Variants in RAD54L2 observed in about 807,000 individuals in gnomAD.
RAD54L2 encodes helicase ARIP4.
RAD54L2 carries 27 observed loss-of-function variants against 138.4 expected under a neutral mutation model. The ratio of observed to expected loss-of-function variants is 0.20; its 90% CI spans 0.14 to 0.27. The LOEUF is 0.27. Ranked by LOEUF, RAD54L2 falls within the 10% of genes least tolerant of loss-of-function variation. The pLI, the probability that RAD54L2 is intolerant of heterozygous loss-of-function variation, is 1.00. For missense variants in RAD54L2, 1,396 were observed against 1,890.2 expected, an observed-to-expected ratio of 0.74 and a Z score of 4.85; for synonymous variants, 644 against 723.2, an observed-to-expected ratio of 0.89 and a Z score of 1.76.
At chr3:51,629,687 C>T (rs1407414542) in intron 5 of RAD54L2, among the ~76,000 whole-genome samples, 1 of 151,456 alleles carries the variant, frequency 6.6e-6, no homozygotes, top group Admixed American at 6.6e-5. Flanking sequence ...GGTGAAACCC[C>T]GTCTCTACTA....
chr3:51,619,033 G>C (rs1158226038), intron 3 of RAD54L2, among the ~76,000 whole-genome samples: 1 of 152,088 alleles, frequency 6.6e-6, no homozygotes, highest in Admixed American at 6.6e-5. Flanking sequence ...GTTGGAAAAG[G>C]TCTGTGAGGC....
At chr3:51,609,993 G>A (rs1401071082) in intron 3 of RAD54L2, among the ~76,000 whole-genome samples, 1 of 151,888 alleles carries the variant, frequency 6.6e-6, no homozygotes, top group Admixed American at 6.6e-5. Flanking sequence ...AAAATTAGCC[G>A]GGCGTGGCGG....
Position 51,639,616 on chromosome 3 carries a change from C to T in RAD54L2, c.2058C>T (p.Gly686=), listed in dbSNP as rs139263625. The part of the protein sequence containing the change: ...GEATNSKFLQ[G]VGFNPFQERG... ...CAACCAATAGCAAGTTCCTACAGGG[C>T]GTTGGCTTCAACCCTTTCCAGGAGC... is the stretch of plus-strand genomic sequence containing the variant. Residue 686 remains glycine (G), a synonymous_variant, in exon 13 of 23, where the codon GGC becomes GGT. Coordinates refer to ENST00000684192, the MANE Select transcript of RAD54L2 (RefSeq NM_015106.4). 1.7e-4 allele frequency: 276 copies of T among 1,613,888 alleles called. No individual in the cohort carries two copies. In the African/African-American group the frequency reaches 3.1e-3, roughly 18 times the overall value.
At chr3:51,564,665 C>T (rs906541206) in intron 2 of RAD54L2, among the ~76,000 whole-genome samples, 3 of 152,134 alleles carry the variant, frequency 2.0e-5, no homozygotes, top group Non-Finnish European at 4.4e-5. Context: ...ACCTGTAATC[C>T]CAGCACTTTG....
At position 51,665,105 on chromosome 3, in the gene RAD54L2, G is replaced by C. The variant is rs905681899; in HGVS notation, c.*1685G>C. Reference sequence around the variant, plus strand: ...GGTCTCCCCTTATTGCCATTGCCAGGGGAGGGTCGTCTAGTCCTTAAGCAT... The same window carrying C: ...GGTCTCCCCTTATTGCCATTGCCAGCGGAGGGTCGTCTAGTCCTTAAGCAT... On this transcript the variant is annotated 3_prime_UTR_variant, in exon 23 of 23. Transcript: ENST00000684192. The C allele has an allele frequency of 1.3e-5, 2 of 152,128 alleles. No homozygotes were observed. The highest frequency in any genetic ancestry group is 4.8e-5 in the African/African-American group (2 of 41,402). 9.4% of individuals were successfully genotyped at this position (152,128 alleles called of 1,614,324 possible).
At chr3:51,564,138 C>T (rs1699160715) in intron 2 of RAD54L2, among the ~76,000 whole-genome samples, 1 of 152,228 alleles carries the variant, frequency 6.6e-6, no homozygotes, top group Non-Finnish European at 1.5e-5. Flanking sequence ...CTCCCAGTGC[C>T]TGGTAAAGCC....
intron 2 of RAD54L2, among the ~76,000 whole-genome samples, chr3:51,557,859 A>G (rs1699010199): frequency 6.7e-6 from 1 of 148,568 alleles, no homozygotes; most frequent in Non-Finnish European, 1.5e-5. Context: ...AAAAAAGAAC[A>G]TTCTATTTTA....
chr3:51,556,950 C>T (rs1055072195), intron 2 of RAD54L2, among the ~76,000 whole-genome samples: 1 of 152,116 alleles, frequency 6.6e-6, no homozygotes, highest in Non-Finnish European at 1.5e-5. Flanking sequence ...AGGTGAGTTC[C>T]TAGTTGCCTG....
At chr3:51,565,311 G>C (rs533067706) in intron 2 of RAD54L2, among the ~76,000 whole-genome samples, 1 of 152,070 alleles carries the variant, frequency 6.6e-6, no homozygotes, top group Non-Finnish European at 1.5e-5. Context: ...TGGAAGAATC[G>C]CTTGAGCCTG....
intron 2 of RAD54L2, among the ~76,000 whole-genome samples, chr3:51,587,139 C>T (rs181209350): frequency 4.8e-4 from 72 of 150,582 alleles, no homozygotes; most frequent in Admixed American, 1.2e-3. Context: ...CTCGCTGTGT[C>T]GCCCAGGCTG....
At chr3:51,613,075 G>A (rs968054191) in intron 3 of RAD54L2, among the ~76,000 whole-genome samples, 1 of 152,022 alleles carries the variant, frequency 6.6e-6, no homozygotes, top group Non-Finnish European at 1.5e-5. Flanking sequence ...GAGTAACTGG[G>A]ACTACAGGCG....
In RAD54L2 at chr3:51,627,796, G is replaced by A. The variant is rs1410004486; in HGVS notation, c.341+42G>A. The A allele has an allele frequency of 3.1e-6, 5 of 1,599,728 alleles. No homozygotes were observed. The Admixed American group carries it at 6.7e-5, about 21-fold the overall frequency. On this transcript the variant is annotated intron_variant, in intron 4 of 22. Coordinates refer to ENST00000684192, the MANE Select transcript of RAD54L2 (RefSeq NM_015106.4). ...GTAAGAGGAGAGGGAAAGGAATAGA[G>A]ATTTTACCTTCATCTTAAGGCTGTC...
rs1344742540 is a variant in RAD54L2 at position 51,612,561 on chromosome 3, G to A, written c.140-14992G>A. Among the ~76,000 whole-genome samples the A allele has an allele frequency of 2.6e-5, 4 of 152,118 alleles. No homozygotes were observed. In the East Asian group the frequency reaches 7.7e-4, roughly 29 times the overall value. ...AGGTTTGGATATGTGAGATAACAGT[G>A]TTTTACATATTTGTAAGTGTTATTT... is the stretch of plus-strand genomic sequence containing the variant. On this transcript the variant is annotated intron_variant, in intron 3 of 22. Transcript: ENST00000684192.
At position 51,635,844 on chromosome 3, in the gene RAD54L2, A is replaced by G. The variant is rs953785592; in HGVS notation, c.1339+55A>G. The G allele has an allele frequency of 3.4e-6, 5 of 1,471,890 alleles. No homozygotes were observed. In the African/African-American group the frequency reaches 7.1e-5, roughly 21 times the overall value. The allele number at this position is 1,471,890 out of a possible 1,614,324, so 91.2% of individuals were successfully genotyped here. A position where few individuals can be genotyped will look rare whatever the true frequency, so the allele number is the denominator to read the frequency against. ...TTGGTGTTTCAGGAAAAAAGAAATC[A>G]TGTCTACTAATAGCACCTAGTCAGA... On this transcript the variant is annotated intron_variant, in intron 10 of 22. Transcript: ENST00000684192.
chr3:51,646,847 C>T (rs1198847320), intron 19 of RAD54L2, among the ~76,000 whole-genome samples: 1 of 152,146 alleles, frequency 6.6e-6, no homozygotes, highest in Non-Finnish European at 1.5e-5. Flanking sequence ...AGGATGAAGG[C>T]TCTGTTCCCT....
chr3:51,585,242 AGAATTTAGTACTACT>A (rs1346883569), intron 2 of RAD54L2, among the ~76,000 whole-genome samples: 1 of 152,206 alleles, frequency 6.6e-6, no homozygotes, highest in African/African-American at 2.4e-5. Flanking sequence ...ACCACTTGAC[AGAATTTAGTACTACT>A]GAAGGTCACC....
chr3:51,662,537 A>C lies in RAD54L2; in HGVS notation c.3521A>C (p.Glu1174Ala). ...AGGCCCGTCTCTCCTGACAGCCCAG[A>C]GATCATCAGTGAGCTTCAGCAGTAT... ...LARPVSPDSP[E>A]IISELQQYAD... The change falls in exon 23 of 23, where the codon GAG becomes GCG. Residue 1174 changes from glutamate (E) to alanine (A), a missense_variant. This residue lies in a region of RAD54L2 where 634 missense variants were observed against 711.2 expected (regional missense o/e 0.89). Coordinates refer to ENST00000684192, the MANE Select transcript of RAD54L2 (RefSeq NM_015106.4). The surrounding 1 kb of genome is among the most constrained non-coding windows in gnomAD (Gnocchi z 4.6). 6.2e-7 allele frequency: 1 copy of C among 1,613,742 alleles called. No individual in the cohort carries two copies. Among genetic ancestry groups the C allele is most frequent in the Non-Finnish European group, 8.5e-7 (1 of 1,179,796 alleles).
chr3:51,570,624 T>A (rs1016058514), intron 2 of RAD54L2, among the ~76,000 whole-genome samples: 5 of 149,350 alleles, frequency 3.3e-5, no homozygotes, highest in African/African-American at 1.2e-4. Context: ...ACCCAGCTAA[T>A]TTTTGTATTT....
At chr3:51,544,314 T>C (rs938270272) in intron 2 of RAD54L2, among the ~76,000 whole-genome samples, 7 of 152,224 alleles carry the variant, frequency 4.6e-5, no homozygotes, top group African/African-American at 1.7e-4. Context: ...ATCTCTGCTT[T>C]TGTTTTTCCA....
Sources: gnomAD v4.1 joint callset for allele counts (sites outside exome capture counted in the v4.1 genomes callset) on GRCh38, gnomAD v4.1.1 for gene constraint, gnomAD v4.1.1 regional missense constraint, Gnocchi (gnomAD v3.1) non-coding constraint, MANE v1.5 for transcripts, NCBI Gene and HGNC (gene_info 2026-07-23, HGNC 2026-07-21) for gene names.